PATL1: variants seen among roughly 807,000 people sequenced by gnomAD.
The protein encoded by PATL1 is PAT1 homolog 1, processing body mRNA decay factor, also known as protein PAT1 homolog 1.
Under a neutral mutation model 100.6 loss-of-function variants are expected in PATL1, and 32 were observed. The observed-to-expected ratio is 0.32, with a 90% CI of 0.24 to 0.43. The LOEUF (loss-of-function observed/expected upper bound fraction) is 0.43. PATL1 is among the 20% of genes least tolerant of loss of function. The pLI is 1.00. For synonymous variants in PATL1, 332 were observed against 330.0 expected (o/e 1.01, Z -0.07); for missense variants, 747 against 949.9 (o/e 0.79, Z 2.81).
At chr11:59,652,620 A>C in intron 10 of PATL1, 33 bp from the exon 11 acceptor site, 1 of 1,611,168 alleles carries the variant, frequency 6.2e-7, no homozygotes, top group Non-Finnish European at 8.5e-7. Flanking sequence ...GTTGTAACAC[A>C]AGCACAGAAC....
chr11:59,662,095 C>G (rs992092832), intron 2 of PATL1, among the ~76,000 whole-genome samples: 1 of 152,152 alleles, frequency 6.6e-6, no homozygotes, highest in Non-Finnish European at 1.5e-5. Context: ...CGATGTATCA[C>G]ATAATACTAG....
intron 1 of PATL1, 73 bp downstream of exon 1, chr11:59,668,808 G>A (rs925100626): frequency 1.4e-5 from 11 of 803,236 alleles, no homozygotes; most frequent in South Asian, 6.2e-5. Context: ...ACACAGGACC[G>A]GCGCGCGGAG....
chr11:59,658,141 T>C (rs923389872), intron 4 of PATL1, among the ~76,000 whole-genome samples: 17 of 151,080 alleles, frequency 1.1e-4, no homozygotes, highest in African/African-American at 2.0e-4. Flanking sequence ...TCTAGCCTGG[T>C]TGACACAGCA....
At chr11:59,646,178 A>ATGC (rs1409282836) in intron 15 of PATL1, among the ~76,000 whole-genome samples, 13 of 151,934 alleles carry the variant, frequency 8.6e-5, no homozygotes, top group Admixed American at 7.2e-4. Flanking sequence ...TACAAATTAT[A>ATGC]TGCTCTAAGG....
At position 59,652,064 on chromosome 11, in the gene PATL1, C is replaced by CAAAAAAAAAAAAAAAAAAAAAAA. The variant is rs748019832; in HGVS notation, c.1426+377_1426+399dup. Among the ~76,000 whole-genome samples the CAAAAAAAAAAAAAAAAAAAAAAA allele has an allele frequency of 7.5e-4, 40 of 52,990 alleles. 1 individual carries two copies. The highest frequency in any genetic ancestry group is 2.6e-3 in the South Asian group (2 of 764). 34.8% of individuals were successfully genotyped at this position (52,990 alleles called of 152,430 possible). On this transcript the variant is annotated intron_variant, in intron 11 of 18. Transcript: ENST00000300146. Reference sequence around the variant, plus strand: ...TGGACAACAGAGTAAGGCTCTTTCTCAAAAAAAAAAAAAAAAAAAAAAAAA... The same window carrying CAAAAAAAAAAAAAAAAAAAAAAA: ...TGGACAACAGAGTAAGGCTCTTTCTCAAAAAAAAAAAAAAAAAAAAAAAAAAAAAAAAAAAAAAAAAAAAAAAA...
chr11:59,666,518 C>T (rs989833049), intron 2 of PATL1, among the ~76,000 whole-genome samples: 2 of 152,076 alleles, frequency 1.3e-5, no homozygotes, highest in African/African-American at 4.8e-5. Context: ...ATAAAAATTC[C>T]TCTCATCTAG....
At chr11:59,654,510 A>G (rs545829494) in intron 8 of PATL1, among the ~76,000 whole-genome samples, 4 of 148,304 alleles carry the variant, frequency 2.7e-5, no homozygotes, top group African/African-American at 7.5e-5. Context: ...AAAAAAAAAG[A>G]GTCTATTCTA....
chr11:59,665,976 T>C (rs538250381), intron 2 of PATL1, among the ~76,000 whole-genome samples: 4 of 152,204 alleles, frequency 2.6e-5, no homozygotes, highest in African/African-American at 9.6e-5. Context: ...GTTTTTAAAC[T>C]TTTTCCAACT....
chr11:59,656,567 G>A lies in PATL1; in HGVS notation c.655C>T (p.Pro219Ser), dbSNP rs539658841. 6.2e-7 allele frequency: 1 copy of A among 1,613,970 alleles called. No homozygotes were observed. The highest frequency in any genetic ancestry group is 8.5e-7 in the Non-Finnish European group (1 of 1,179,888). Residue 219 changes from proline to serine, a missense_variant, in exon 6 of 19, where the codon CCA (proline) becomes TCA (serine). Physicochemically the swap from Pro to Ser is moderately conservative, Grantham distance 74 (BLOSUM62 -1). Around this residue, in one of 4 missense-constraint regions of PATL1, gnomAD observed 127 missense variants for 116.0 expected, o/e 1.09. Transcript: ENST00000300146. ...GGAGCAGGATAACGAGGTGGCATTGGGGGCCGAACATGGACAGGCTTCGGA... is the reference window on the plus strand; with the variant it reads ...GGAGCAGGATAACGAGGTGGCATTGAGGGCCGAACATGGACAGGCTTCGGA... ...LCPKPVHVRP[P>S]MPPRYPAPYG...
chr11:59,663,290 G>A (rs768186876), intron 2 of PATL1, among the ~76,000 whole-genome samples: 1 of 152,144 alleles, frequency 6.6e-6, no homozygotes, highest in Non-Finnish European at 1.5e-5. Context: ...AACCCCTGAA[G>A]CCTGTCTCAG....
intron 15 of PATL1, among the ~76,000 whole-genome samples, chr11:59,644,438 G>C (rs1289237119): frequency 1.3e-5 from 2 of 151,954 alleles, no homozygotes; most frequent in East Asian, 3.9e-4. Context: ...CTTTGTATTA[G>C]AACCATTATT....
At chr11:59,668,811 G>T in intron 1 of PATL1, 70 bp downstream of exon 1, 1 of 825,674 alleles carries the variant, frequency 1.2e-6, no homozygotes, top group Non-Finnish European at 1.9e-6. Flanking sequence ...CAGGACCGGC[G>T]CGCGGAGAGA....
intron 15 of PATL1, among the ~76,000 whole-genome samples, chr11:59,646,894 G>A (rs1210251560): frequency 2.5e-4 from 38 of 152,054 alleles, no homozygotes; most frequent in Admixed American, 2.5e-3. Flanking sequence ...TAAAATTCCA[G>A]CCTAGTCTAG....
chr11:59,660,382 G>A (rs1470684348), intron 2 of PATL1, among the ~76,000 whole-genome samples: 1 of 152,188 alleles, frequency 6.6e-6, no homozygotes, highest in African/African-American at 2.4e-5. Flanking sequence ...ATAATGATTA[G>A]ATACTATACC....
chr11:59,640,671 G>A, intron 16 of PATL1, among the ~76,000 whole-genome samples: 1 of 151,538 alleles, frequency 6.6e-6, no homozygotes, highest in South Asian at 2.1e-4. Context: ...AGTGAGCTGC[G>A]ATCGCGCCAC....
intron 8 of PATL1, among the ~76,000 whole-genome samples, chr11:59,654,638 T>C (rs1342917568): frequency 6.6e-6 from 1 of 152,186 alleles, no homozygotes; most frequent in Admixed American, 6.5e-5. Context: ...TATAATTCTT[T>C]TTCTTTTTGC....
chr11:59,664,880 C>G (rs958559663), intron 2 of PATL1, among the ~76,000 whole-genome samples: 1 of 152,206 alleles, frequency 6.6e-6, no homozygotes, highest in Non-Finnish European at 1.5e-5. Context: ...TTATTGTGTC[C>G]TACTGATTAT....
intron 7 of PATL1, 53 bp from the exon 8 acceptor site, chr11:59,655,793 T>G: frequency 6.7e-7 from 1 of 1,481,988 alleles, no homozygotes. Context: ...TCCCCTTGCT[T>G]TTGTCTACAG....
At chr11:59,662,919 T>C (rs1189178300) in intron 2 of PATL1, among the ~76,000 whole-genome samples, 1 of 152,156 alleles carries the variant, frequency 6.6e-6, no homozygotes, top group Non-Finnish European at 1.5e-5. Context: ...AGATCTCTGG[T>C]GAATTGATTG....
Sources: allele counts gnomAD v4.1 joint callset (sites outside exome capture counted in the v4.1 genomes callset), GRCh38; gene constraint gnomAD v4.1.1; regional missense constraint gnomAD v4.1.1; transcripts MANE v1.5; gene names NCBI Gene and HGNC (gene_info 2026-07-23, HGNC 2026-07-21).